Variants in BMPR1A observed in about 807,000 individuals in gnomAD.
The protein encoded by BMPR1A is bone morphogenetic protein receptor type-1A.
BMPR1A carries 7 observed loss-of-function variants against 66.0 expected under a neutral mutation model. That is an observed-to-expected ratio of 0.11 (90% CI 0.06 to 0.20). The LOEUF is 0.20. Ranked by LOEUF, BMPR1A falls within the 10% of genes least tolerant of loss-of-function variation. The pLI, the probability that BMPR1A is intolerant of heterozygous loss-of-function variation, is 1.00. For missense variants in BMPR1A, 408 were observed against 669.1 expected, an observed-to-expected ratio of 0.61 and a Z score of 4.31; for synonymous variants, 200 against 229.7, an observed-to-expected ratio of 0.87 and a Z score of 1.17.
intron 2 of BMPR1A, among the ~76,000 whole-genome samples, chr10:86,858,613 A>G (rs1842675941): frequency 6.6e-6 from 1 of 152,220 alleles, no homozygotes; most frequent in South Asian, 2.1e-4. Flanking sequence ...TACAAAATCA[A>G]TATACAAAAA....
Position 86,785,290 on chromosome 10 carries a change from T to C in BMPR1A, c.-268+28371T>C, listed in dbSNP as rs1205396355. Among the ~76,000 whole-genome samples the C allele has an allele frequency of 3.9e-5, 6 of 152,262 alleles. No homozygotes were observed. In the East Asian group the frequency reaches 1.2e-3, roughly 29 times the overall value. On this transcript the variant is annotated intron_variant, in intron 1 of 12. Transcript: ENST00000372037. ...GAGAAAATGTGTATTCAGCTAGTGT[T>C]GGGTGTAGTGTTTTTTTGTTTGTTT... is the stretch of plus-strand genomic sequence containing the variant.
Position 86,923,769 on chromosome 10 carries a change from C to G in BMPR1A, c.*50C>G. 1.2e-6 allele frequency: 2 copies of G among 1,605,278 alleles called. No individual in the cohort carries two copies. The highest frequency in any genetic ancestry group is 1.7e-6 in the Non-Finnish European group (2 of 1,174,068). ...TCTAGACTGCAAGAACTGTTTTTAC[C>G]CATGGCATGGGTGGAATTAGAGTGG... On this transcript the variant is annotated 3_prime_UTR_variant, in exon 13 of 13. Coordinates refer to ENST00000372037, the MANE Select transcript of BMPR1A (RefSeq NM_004329.3).
chr10:86,901,994 G>A (rs1046239198), intron 7 of BMPR1A, among the ~76,000 whole-genome samples: 1 of 152,048 alleles, frequency 6.6e-6, no homozygotes, highest in African/African-American at 2.4e-5. Context: ...AAGTAACTGG[G>A]ATTACAGGTA....
At chr10:86,896,148 C>T (rs1461200745) in intron 5 of BMPR1A, among the ~76,000 whole-genome samples, 17 of 144,344 alleles carry the variant, frequency 1.2e-4, no homozygotes, top group African/African-American at 4.1e-4. Context: ...AGCGAGACTC[C>T]GTCTCAAAAA....
chr10:86,829,932 A>G (rs1443147145), intron 1 of BMPR1A, among the ~76,000 whole-genome samples: 1 of 151,068 alleles, frequency 6.6e-6, no homozygotes, highest in Non-Finnish European at 1.5e-5. Flanking sequence ...AAGAAAAAAA[A>G]ATTATTCAGT....
At chr10:86,866,413 T>TTTTTTTTC (rs1564707630) in intron 2 of BMPR1A, among the ~76,000 whole-genome samples, 4 of 129,218 alleles carry the variant, frequency 3.1e-5, no homozygotes, top group Non-Finnish European at 6.5e-5. Flanking sequence ...TTTTTTTTTT[T>TTTTTTTTC]TTTTTTTTTT....
At chr10:86,874,317 TCA>T (rs1842891139) in intron 2 of BMPR1A, among the ~76,000 whole-genome samples, 1 of 152,240 alleles carries the variant, frequency 6.6e-6, no homozygotes, top group Non-Finnish European at 1.5e-5. Context: ...TATTAGAAGT[TCA>T]GTTTCATCTT....
intron 3 of BMPR1A, 65 bp from the exon 4 acceptor site, chr10:86,889,997 A>T: frequency 6.4e-7 from 1 of 1,573,368 alleles, no homozygotes; most frequent in Non-Finnish European, 8.7e-7. Context: ...TTCTCATTGA[A>T]AATTGTCACG....
chr10:86,782,549 G>A (rs1472955387), intron 1 of BMPR1A, among the ~76,000 whole-genome samples: 1 of 151,988 alleles, frequency 6.6e-6, no homozygotes, highest in African/African-American at 2.4e-5. Flanking sequence ...TTTAACTGGT[G>A]TGAGGTGATA....
intron 1 of BMPR1A, among the ~76,000 whole-genome samples, chr10:86,763,293 G>C (rs1006757197): frequency 6.6e-6 from 1 of 152,138 alleles, no homozygotes; most frequent in African/African-American, 2.4e-5. Context: ...AAGCCATAAA[G>C]AAGCAGCGGA....
intron 3 of BMPR1A, 75 bp downstream of exon 3, chr10:86,876,160 C>A: frequency 7.1e-7 from 1 of 1,404,564 alleles, no homozygotes; most frequent in Non-Finnish European, 1.0e-6. Flanking sequence ...TCTTTCAACT[C>A]ATCCCTGTTT....
At chr10:86,862,995 CCT>C (rs971781656) in intron 2 of BMPR1A, among the ~76,000 whole-genome samples, 33 of 150,404 alleles carry the variant, frequency 2.2e-4, no homozygotes, top group Non-Finnish European at 2.4e-4. Context: ...TTTTTTTCCC[CCT>C]CTGAGACAGT....
chr10:86,800,503 T>C (rs1841797156), intron 1 of BMPR1A, among the ~76,000 whole-genome samples: 1 of 152,216 alleles, frequency 6.6e-6, no homozygotes, highest in Non-Finnish European at 1.5e-5. Context: ...GCGATTCTTC[T>C]GCCTCAGTCT....
intron 7 of BMPR1A, among the ~76,000 whole-genome samples, chr10:86,910,561 C>T (rs1843466148): frequency 6.6e-6 from 1 of 152,096 alleles, no homozygotes. Flanking sequence ...GGAAATAATT[C>T]TCTTCTAAGG....
chr10:86,823,371 C>T (rs1245458805), intron 1 of BMPR1A, among the ~76,000 whole-genome samples: 2 of 152,224 alleles, frequency 1.3e-5, no homozygotes, highest in Non-Finnish European at 2.9e-5. Flanking sequence ...CTTTGATCCT[C>T]ATTTTACAGA....
chr10:86,893,527 C>T (rs936152159), intron 5 of BMPR1A, among the ~76,000 whole-genome samples: 4 of 152,140 alleles, frequency 2.6e-5, no homozygotes, highest in Admixed American at 6.5e-5. Context: ...CGGTGGCTCA[C>T]GCCTGTAATC....
downstream of BMPR1A, chr10:86,931,833 C>T (rs1172530583): frequency 6.6e-6 from 1 of 152,030 alleles, no homozygotes; most frequent in African/African-American, 2.4e-5. Context: ...TTGTTTCTTC[C>T]CTTTTTTCTT....
intron 1 of BMPR1A, among the ~76,000 whole-genome samples, chr10:86,775,110 G>C (rs1841325733): frequency 1.3e-5 from 2 of 152,216 alleles, no homozygotes; most frequent in Non-Finnish European, 2.9e-5. Context: ...AATGTGTACT[G>C]TTTGTTTATG....
intron 1 of BMPR1A, among the ~76,000 whole-genome samples, chr10:86,807,912 G>A (rs987825572): frequency 1.4e-4 from 22 of 152,064 alleles, no homozygotes; most frequent in African/African-American, 5.3e-4. Context: ...GATTACAGGC[G>A]CACACCTCCA....
Sources: gnomAD v4.1 joint callset for allele counts (sites outside exome capture counted in the v4.1 genomes callset) on GRCh38, gnomAD v4.1.1 for gene constraint, MANE v1.5 for transcripts, NCBI Gene and HGNC (gene_info 2026-07-23, HGNC 2026-07-21) for gene names.